Variants in DCK observed in about 807,000 individuals in gnomAD.
The protein encoded by DCK is deoxyadenosine kinase.
Under a neutral mutation model 38.3 loss-of-function variants are expected in DCK, and 23 were observed. The ratio of observed to expected loss-of-function variants is 0.60; its 90% CI spans 0.43 to 0.85. The LOEUF (loss-of-function observed/expected upper bound fraction) is 0.85. Ranked by LOEUF, DCK falls within the 40% of genes least tolerant of loss-of-function variation. The pLI is 0.00. For synonymous variants in DCK, 108 were observed against 100.6 expected (o/e 1.07, Z -0.44); for missense variants, 259 against 304.4 (o/e 0.85, Z 1.11).
chr4:70,996,816 A>C (rs916795707), intron 1 of DCK, among the ~76,000 whole-genome samples: 2 of 152,222 alleles, frequency 1.3e-5, no homozygotes, highest in Admixed American at 1.3e-4. Context: ...TCATCTTAAT[A>C]GTCTGTTCAG....
chr4:71,010,746 T>C (rs1740070352), intron 2 of DCK, among the ~76,000 whole-genome samples: 1 of 149,082 alleles, frequency 6.7e-6, no homozygotes, highest in Admixed American at 6.7e-5. Context: ...CAACATGATG[T>C]TTTAAAATAT....
At position 71,030,227 on chromosome 4, in the gene DCK, T is replaced by C. The variant is rs1311461820; in HGVS notation, c.*849T>C. 6.6e-6 allele frequency: 1 copy of C among 152,600 alleles called. No individual in the cohort carries two copies. Among genetic ancestry groups the C allele is most frequent in the Non-Finnish European group, 1.5e-5 (1 of 68,024 alleles). 9.5% of individuals were successfully genotyped at this position (152,600 alleles called of 1,614,324 possible). ...TTAATGAGACACACTTAACTACTTA[T>C]CTCTAAACCATCTATGTGAATATTT... On this transcript the variant is annotated 3_prime_UTR_variant, in exon 7 of 7. Coordinates refer to ENST00000286648, the MANE Select transcript of DCK (RefSeq NM_000788.3).
At position 70,993,789 on chromosome 4, in the gene DCK, C is replaced by G. The variant is rs1273236892; in HGVS notation, c.-47C>G. The stretch of plus-strand genomic sequence containing the variant: ...CAGTGCGCGCACCCGTGGCCGCCTC[C>G]CAGCCCTCTTTGCCGGACGAGCTCT... On this transcript the variant is annotated 5_prime_UTR_variant, in exon 1 of 7. Coordinates refer to ENST00000286648, the MANE Select transcript of DCK (RefSeq NM_000788.3). 1.4e-6 allele frequency: 2 copies of G among 1,438,976 alleles called. No individual in the cohort carries two copies. The highest frequency in any genetic ancestry group is 2.8e-5 in the African/African-American group (2 of 71,502). 89.1% of individuals were successfully genotyped at this position (1,438,976 alleles called of 1,614,324 possible).
At chr4:70,995,715 C>G (rs1034870390) in intron 1 of DCK, among the ~76,000 whole-genome samples, 1 of 152,138 alleles carries the variant, frequency 6.6e-6, no homozygotes, top group African/African-American at 2.4e-5. Context: ...CATCTTTAAT[C>G]TTTTCAGCAG....
In DCK at chr4:70,993,846, C is replaced by T. The variant is rs1739597299; in HGVS notation, c.11C>T (p.Pro4Leu). MAT[P>L]PKRSCPSFSA... ...CCACAAGACTAAGGAATGGCCACCCCGCCCAAGAGAAGCTGCCCGTCTTTC... is the reference window on the plus strand; with the variant it reads ...CCACAAGACTAAGGAATGGCCACCCTGCCCAAGAGAAGCTGCCCGTCTTTC... Residue 4 changes from proline to leucine, a missense_variant, in exon 1 of 7, where the codon CCG becomes CTG. Around this residue, in one of 3 missense-constraint regions of DCK, gnomAD observed 159 missense variants for 159.0 expected, o/e 1.00. Transcript: ENST00000286648. 1.2e-6 allele frequency: 2 copies of T among 1,613,368 alleles called. No individual in the cohort carries two copies. Among genetic ancestry groups the T allele is most frequent in the African/African-American group, 1.3e-5 (1 of 74,910 alleles).
chr4:71,028,091 A>G (rs1421314519), intron 6 of DCK, among the ~76,000 whole-genome samples: 1 of 152,120 alleles, frequency 6.6e-6, no homozygotes, highest in African/African-American at 2.4e-5. Context: ...TCCTTACATG[A>G]TTTTCTGCAC....
At chr4:71,011,825 G>A (rs1048687970) in intron 2 of DCK, among the ~76,000 whole-genome samples, 1 of 152,126 alleles carries the variant, frequency 6.6e-6, no homozygotes, top group African/African-American at 2.4e-5. Context: ...ACAATAATCT[G>A]TACTTCCTAT....
chr4:71,012,820 C>G (rs1016932285), intron 2 of DCK, among the ~76,000 whole-genome samples: 1 of 152,178 alleles, frequency 6.6e-6, no homozygotes, highest in Non-Finnish European at 1.5e-5. Flanking sequence ...TAGGGAAAAA[C>G]AGAGCAGAAA....
intron 2 of DCK, among the ~76,000 whole-genome samples, chr4:71,015,029 CTAA>C (rs769545336): frequency 2.0e-5 from 3 of 152,050 alleles, no homozygotes; most frequent in Non-Finnish European, 4.4e-5. Context: ...GCTAGCAAGA[CTAA>C]TAAAGAAGAA....
intron 1 of DCK, 98 bp downstream of exon 1, chr4:70,994,024 G>T: frequency 1.1e-6 from 1 of 889,238 alleles, no homozygotes; most frequent in South Asian, 1.4e-5. Context: ...CTCGGTGAGG[G>T]CTTTCCCTCC....
chr4:71,023,459 C>T (rs1267845149), intron 3 of DCK, 100 bp from the exon 4 acceptor site: 1 of 779,178 alleles, frequency 1.3e-6, no homozygotes, highest in Non-Finnish European at 2.0e-6. Flanking sequence ...CACTATGTGC[C>T]ACTGGATTTA....
chr4:70,993,822 C>T lies in DCK; in HGVS notation c.-14C>T. The T allele has an allele frequency of 1.2e-6, 2 of 1,606,090 alleles. No individual in the cohort carries two copies. Among genetic ancestry groups the T allele is most frequent in the East Asian group, 2.2e-5 (1 of 44,776 alleles). On this transcript the variant is annotated 5_prime_UTR_variant, in exon 1 of 7. Coordinates refer to ENST00000286648, the MANE Select transcript of DCK (RefSeq NM_000788.3). ...CTTTGCCGGACGAGCTCTGGGCCGC[C>T]ACAAGACTAAGGAATGGCCACCCCG...
chr4:71,012,356 CA>C (rs1740123489), intron 2 of DCK, among the ~76,000 whole-genome samples: 1 of 152,222 alleles, frequency 6.6e-6, no homozygotes. Flanking sequence ...CATAGCTGAA[CA>C]AAAGGCAGTA....
chr4:71,006,130 C>A (rs1053328059), intron 2 of DCK, among the ~76,000 whole-genome samples: 8 of 22,974 alleles, frequency 3.5e-4, no homozygotes, highest in Admixed American at 1.3e-3. Flanking sequence ...AAAACAAAAA[C>A]ACCAAAAAAA....
Position 71,030,383 on chromosome 4 carries a change from G to T in DCK, c.*1005G>T, listed in dbSNP as rs1016624784. 1 of 151,968 alleles carries T rather than the reference G, an allele frequency of 6.6e-6. No individual in the cohort carries two copies. Among genetic ancestry groups the T allele is most frequent in the African/African-American group, 2.4e-5 (1 of 41,396 alleles). The allele number at this position is 151,968 out of a possible 1,614,324, so 9.4% of individuals were successfully genotyped here. Reference sequence around the variant, plus strand: ...CATTTTACGTTTTAGAAAATTTTATGTATTTTAAAATAAGGGGAAGAGTCA... The same window carrying T: ...CATTTTACGTTTTAGAAAATTTTATTTATTTTAAAATAAGGGGAAGAGTCA... On this transcript the variant is annotated 3_prime_UTR_variant, in exon 7 of 7. Transcript: ENST00000286648.
rs752194823 is a variant in DCK at position 71,023,594 on chromosome 4, G to A, written c.437G>A (p.Cys146Tyr). 6.2e-7 allele frequency: 1 copy of A among 1,606,796 alleles called. No homozygotes were observed. Among genetic ancestry groups the A allele is most frequent in the Non-Finnish European group, 8.5e-7 (1 of 1,174,884 alleles). ...IFASNLYESECMNETEWTIYQ... is the reference protein window; with the variant it reads ...IFASNLYESEYMNETEWTIYQ... Reference sequence around the variant, plus strand: ...GCATCTAATTTGTATGAATCTGAATGCATGAATGAGACAGAGTGGACAATT... The same window carrying A: ...GCATCTAATTTGTATGAATCTGAATACATGAATGAGACAGAGTGGACAATT... Residue 146 changes from cysteine (C) to tyrosine (Y), a missense_variant, in exon 4 of 7, where the codon TGC becomes TAC. Physicochemically the swap from Cys to Tyr is radical, Grantham distance 194 (BLOSUM62 -2). Transcript: ENST00000286648.
chr4:71,029,277 T>G (rs1239261005), intron 6 of DCK, 75 bp from the exon 7 acceptor site: 1 of 976,042 alleles, frequency 1.0e-6, no homozygotes, highest in African/African-American at 1.7e-5. Context: ...TTATATACTT[T>G]TAAATGAAGA....
rs375746272 is a variant in DCK at position 71,013,622 on chromosome 4, C to A, written c.208-8745C>A. 8.6e-3 allele frequency among the ~76,000 whole-genome samples: 1,308 copies of A among 152,052 alleles called. 9 individuals carry two copies. Among genetic ancestry groups the A allele is most frequent in the African/African-American group, 0.03 (1,240 of 41,468 alleles). On this transcript the variant is annotated intron_variant, in intron 2 of 6. Coordinates refer to ENST00000286648, the MANE Select transcript of DCK (RefSeq NM_000788.3). ...CCAATATTCAACATTCTTAAAGAAACGAATTTGCAACCCAGAATATCATAT... is the reference window on the plus strand; with the variant it reads ...CCAATATTCAACATTCTTAAAGAAAAGAATTTGCAACCCAGAATATCATAT...
At chr4:70,997,327 T>TA (rs1308106769) in intron 1 of DCK, among the ~76,000 whole-genome samples, 1 of 152,202 alleles carries the variant, frequency 6.6e-6, no homozygotes, top group Non-Finnish European at 1.5e-5. Context: ...TCCCTAAGCT[T>TA]ACACTCTCCA....
Sources: gnomAD v4.1 joint callset for allele counts (sites outside exome capture counted in the v4.1 genomes callset) on GRCh38, gnomAD v4.1.1 for gene constraint, gnomAD v4.1.1 regional missense constraint, MANE v1.5 for transcripts, NCBI Gene and HGNC (gene_info 2026-07-23, HGNC 2026-07-21) for gene names.